FHAD1: variants seen among roughly 807,000 people sequenced by gnomAD.
FHAD1 encodes the protein forkhead-associated domain-containing protein 1.
In FHAD1, 146 loss-of-function variants were observed where a neutral mutation model predicts 191.3. The ratio of observed to expected loss-of-function variants is 0.76; its 90% CI spans 0.67 to 0.88. The LOEUF (loss-of-function observed/expected upper bound fraction) is 0.88. FHAD1 is among the 40% of genes least tolerant of loss of function. The pLI, the probability that FHAD1 is intolerant of heterozygous loss-of-function variation, is 0.00. For synonymous variants in FHAD1, 616 were observed against 672.3 expected, an observed-to-expected ratio of 0.92 and a Z score of 1.29; for missense variants, 1,635 against 1,785.8, an observed-to-expected ratio of 0.92 and a Z score of 1.52.
chr1:15,261,734 C>T (rs938775347), intron 2 of FHAD1, among the ~76,000 whole-genome samples: 3 of 152,234 alleles, frequency 2.0e-5, no homozygotes, highest in Non-Finnish European at 4.4e-5. Flanking sequence ...CCTCATATCC[C>T]TATTCCTTTG....
In FHAD1 at chr1:15,329,188, A is replaced by T; in HGVS notation, c.1711-158A>T. ...TAAAAAAAAACCTGTCAAAACATAA[A>T]AATTTTAAAAAAGAAAAAAACTGAG... On this transcript the variant is annotated intron_variant, in intron 13 of 33. Transcript: ENST00000688493. This position sits in a 1 kb window ranked among gnomAD's most constrained non-coding sequence, Gnocchi z 5.0. The T allele has an allele frequency of 1.8e-6, 1 of 565,210 alleles. No individual in the cohort carries two copies. The highest frequency in any genetic ancestry group is 3.0e-6 in the Non-Finnish European group (1 of 330,384). The allele number at this position is 565,210 out of a possible 1,614,324, so 35.0% of individuals were successfully genotyped here. A position where few individuals can be genotyped will look rare whatever the true frequency, so the allele number is the denominator to read the frequency against.
chr1:15,244,631 G>C (rs1573560188), upstream of FHAD1, among the ~76,000 whole-genome samples: 1 of 152,292 alleles, frequency 6.6e-6, no homozygotes, highest in East Asian at 1.9e-4. This position sits in a 1 kb window ranked among gnomAD's most constrained non-coding sequence, Gnocchi z 5.1. Flanking sequence ...GGCTTCAGAA[G>C]GGTGGCAGGG....
At chr1:15,249,800 C>T (rs529530295) in intron 1 of FHAD1, among the ~76,000 whole-genome samples, 5 of 152,224 alleles carry the variant, frequency 3.3e-5, no homozygotes, top group South Asian at 4.2e-4. Context: ...CTCTGCTCCC[C>T]CATCCCATCC....
chr1:15,368,088 C>T (rs561260764), intron 25 of FHAD1, among the ~76,000 whole-genome samples: 45 of 152,302 alleles, frequency 3.0e-4, no homozygotes, highest in African/African-American at 1.0e-3. Flanking sequence ...TCTCTTGCCT[C>T]AGCCTCTGGA....
In FHAD1 at chr1:15,360,574, A is replaced by G. The variant is rs759581263; in HGVS notation, c.2833A>G (p.Met945Val). 23 of 1,552,036 alleles carry G rather than the reference A, an allele frequency of 1.5e-5. No homozygotes were observed. The highest frequency in any genetic ancestry group is 1.7e-4 in the Middle Eastern group (1 of 6,016). Residue 945 changes from methionine to valine, a missense_variant, in exon 22 of 34, where the codon ATG (methionine) becomes GTG (valine). Physicochemically the swap from Met to Val is conservative, Grantham distance 21. Transcript: ENST00000688493. ...SQRHGFEEEI[M>V]EYKEQIKQHA... ...GAGACACGGGTTTGAAGAAGAGATC[A>G]TGGAATATAAGGAGCAAATCAAACA...
Position 15,381,196 on chromosome 1 carries a change from G to A in FHAD1, c.3802-35G>A, listed in dbSNP as rs749530484. The A allele has an allele frequency of 6.8e-7, 1 of 1,472,104 alleles. No individual in the cohort carries two copies. The highest frequency in any genetic ancestry group is 9.3e-7 in the Non-Finnish European group (1 of 1,076,754). 91.2% of individuals were successfully genotyped at this position (1,472,104 alleles called of 1,614,324 possible). On this transcript the variant is annotated intron_variant, in intron 29 of 33. Coordinates refer to ENST00000688493, the MANE Select transcript of FHAD1 (RefSeq NM_001391957.1). The surrounding 1 kb of genome is among the most constrained non-coding windows in gnomAD (Gnocchi z 4.6). Reference sequence around the variant, plus strand: ...TTAAAGCGGCCACCAGCGGCCGCGGGTAATGCCTCTTATGCGCGAACGTTT... The same window carrying A: ...TTAAAGCGGCCACCAGCGGCCGCGGATAATGCCTCTTATGCGCGAACGTTT...
At chr1:15,326,299 G>GA (rs1288779847) in intron 11 of FHAD1, 2 of 152,242 alleles carry the variant, frequency 1.3e-5, no homozygotes, top group Non-Finnish European at 2.9e-5. Flanking sequence ...AATTCTCAGA[G>GA]AAAGTCGGGC....
intron 32 of FHAD1, among the ~76,000 whole-genome samples, chr1:15,390,450 C>T (rs1472673085): frequency 2.6e-5 from 4 of 151,988 alleles, no homozygotes; most frequent in Admixed American, 6.6e-5. Flanking sequence ...CAGTCCCACA[C>T]GCCACCAGCT....
chr1:15,345,392 A>G (rs572065258), intron 17 of FHAD1, 24 bp from the exon 18 acceptor site: 5 of 1,545,346 alleles, frequency 3.2e-6, no homozygotes, highest in Non-Finnish European at 4.4e-6. Context: ...AACCATGTCT[A>G]TTGAACAATG....
chr1:15,367,639 C>A lies in FHAD1; in HGVS notation c.3314+17C>A. 2.0e-6 allele frequency: 1 copy of A among 507,184 alleles called. No individual in the cohort carries two copies. The highest frequency in any genetic ancestry group is 3.6e-6 in the Non-Finnish European group (1 of 278,422). The allele number at this position is 507,184 out of a possible 1,614,324, so 31.4% of individuals were successfully genotyped here. A position where few individuals can be genotyped will look rare whatever the true frequency, so the allele number is the denominator to read the frequency against. On this transcript the variant is annotated intron_variant, in intron 25 of 33. Coordinates refer to ENST00000688493, the MANE Select transcript of FHAD1 (RefSeq NM_001391957.1). ...GGCACTCAGGTTGGGTGGGCGGGGGCCGGGTTGGGGGGATGGTTTGCCTGC... is the reference window on the plus strand; with the variant it reads ...GGCACTCAGGTTGGGTGGGCGGGGGACGGGTTGGGGGGATGGTTTGCCTGC...
intron 20 of FHAD1, 21 bp downstream of exon 20, chr1:15,353,005 G>A: frequency 6.6e-7 from 1 of 1,513,180 alleles, no homozygotes; most frequent in South Asian, 1.2e-5. Flanking sequence ...CAGGGAGGGA[G>A]AGACGAGAGG....
At chr1:15,391,154 C>G in intron 32 of FHAD1, 56 bp from the exon 33 acceptor site, 1 of 1,030,698 alleles carries the variant, frequency 9.7e-7, no homozygotes, top group Non-Finnish European at 1.3e-6. Flanking sequence ...TTCTTTGATG[C>G]AAAAGGCAAA....
chr1:15,249,614 T>C (rs1646521833), intron 1 of FHAD1, among the ~76,000 whole-genome samples: 1 of 152,220 alleles, frequency 6.6e-6, no homozygotes, highest in Non-Finnish European at 1.5e-5. Context: ...TTTACAAACA[T>C]AAACTATCTG....
In FHAD1 at chr1:15,393,424, A is replaced by G. The variant is rs146111959; in HGVS notation, c.4323+2161A>G. On this transcript the variant is annotated intron_variant, in intron 33 of 33. Transcript: ENST00000688493. Reference sequence around the variant, plus strand: ...TATCTACATAGATGTGGACACACACACACACGCACACACACACACACACAC... The same window carrying G: ...TATCTACATAGATGTGGACACACACGCACACGCACACACACACACACACAC... Among the ~76,000 whole-genome samples the G allele has an allele frequency of 4.0e-5, 5 of 124,824 alleles. No homozygotes were observed. The South Asian group carries it at 7.5e-4, about 19-fold the overall frequency. 81.9% of individuals were successfully genotyped at this position (124,824 alleles called of 152,430 possible). A position where few individuals can be genotyped will look rare whatever the true frequency, so the allele number is the denominator to read the frequency against.
intron 22 of FHAD1, among the ~76,000 whole-genome samples, chr1:15,361,367 C>G (rs1003707063): frequency 6.6e-6 from 1 of 152,172 alleles, no homozygotes; most frequent in Admixed American, 6.5e-5. Flanking sequence ...CAGTGGCACC[C>G]CTACCCCAGT....
intron 23 of FHAD1, among the ~76,000 whole-genome samples, 174 bp downstream of exon 23, chr1:15,362,900 T>C (rs1695264510): frequency 6.6e-6 from 1 of 151,924 alleles, no homozygotes; most frequent in Admixed American, 6.6e-5. Flanking sequence ...CCAGACCACA[T>C]TGTCAGAAGC....
At chr1:15,388,424 T>C (rs1241673901) in intron 32 of FHAD1, 1 of 1,207,152 alleles carries the variant, frequency 8.3e-7, no homozygotes, top group African/African-American at 1.8e-5. Flanking sequence ...TCCATTAAGG[T>C]GAGAAGGCAG....
At chr1:15,397,064 G>C (rs533724032) in intron 33 of FHAD1, among the ~76,000 whole-genome samples, 2 of 149,034 alleles carry the variant, frequency 1.3e-5, no homozygotes, top group South Asian at 4.2e-4. Flanking sequence ...GGTGGCGGGC[G>C]CCTGTAGTCC....
Position 15,316,305 on chromosome 1 carries a change from G to A in FHAD1, c.1171-73G>A. On this transcript the variant is annotated intron_variant, in intron 8 of 33. Transcript: ENST00000688493. This position sits in a 1 kb window ranked among gnomAD's most constrained non-coding sequence, Gnocchi z 4.3. ...CTCTCAGGGGCTCACATGGGGCCTTGGAGCCCCTCCTTCCCCCGACAACCC... is the reference window on the plus strand; with the variant it reads ...CTCTCAGGGGCTCACATGGGGCCTTAGAGCCCCTCCTTCCCCCGACAACCC... 2 of 1,210,346 alleles carry A rather than the reference G, an allele frequency of 1.7e-6. No homozygotes were observed. Among genetic ancestry groups the A allele is most frequent in the South Asian group, 2.6e-5 (2 of 76,248 alleles). 75.0% of individuals were successfully genotyped at this position (1,210,346 alleles called of 1,614,324 possible).
Sources: gnomAD v4.1 joint callset for allele counts (sites outside exome capture counted in the v4.1 genomes callset) on GRCh38, gnomAD v4.1.1 for gene constraint, Gnocchi (gnomAD v3.1) non-coding constraint, MANE v1.5 for transcripts, NCBI Gene and HGNC (gene_info 2026-07-23, HGNC 2026-07-21) for gene names.